FAT3: variants seen among roughly 807,000 people sequenced by gnomAD.
The protein encoded by FAT3 is FAT atypical cadherin 3.
In FAT3, 95 loss-of-function variants were observed where a neutral mutation model predicts 310.2. The observed-to-expected ratio is 0.31, with a 90% confidence interval of 0.26 to 0.36. FAT3 has a LOEUF of 0.36. Among genes scored for constraint, FAT3 ranks in the 10% least tolerant of loss-of-function variants. The pLI is 1.00. For missense variants in FAT3, 5,408 were observed against 5,715.6 expected (o/e 0.95, Z 1.74); for synonymous variants, 2,314 against 2,192.9 (o/e 1.06, Z -1.54).
intron 6 of FAT3, among the ~76,000 whole-genome samples, chr11:92,767,063 A>G (rs1379520423): frequency 6.6e-6 from 1 of 152,140 alleles, no homozygotes; most frequent in African/African-American, 2.4e-5. Flanking sequence ...AACGTGTCCA[A>G]CATGGCGAAA....
At chr11:92,513,339 G>T (rs1049735656) in intron 2 of FAT3, among the ~76,000 whole-genome samples, 6 of 152,130 alleles carry the variant, frequency 3.9e-5, no homozygotes, top group African/African-American at 1.4e-4. Flanking sequence ...AATGATTTCT[G>T]TGAAGGCATT....
intron 14 of FAT3, 132 bp from the exon 15 acceptor site, chr11:92,834,738 C>G (rs1948354848): frequency 1.3e-6 from 1 of 765,392 alleles, no homozygotes; most frequent in Admixed American, 2.8e-5. Flanking sequence ...TTCAGTAAGG[C>G]ATTAAATAAA....
intron 3 of FAT3, among the ~76,000 whole-genome samples, chr11:92,652,750 C>T (rs968738616): frequency 6.6e-6 from 1 of 152,166 alleles, no homozygotes; most frequent in African/African-American, 2.4e-5. Context: ...TAATAATTTC[C>T]CCTTTAAATA....
chr11:92,889,375 G>A, intron 26 of FAT3, 127 bp downstream of exon 26: 1 of 449,622 alleles, frequency 2.2e-6, no homozygotes, highest in Non-Finnish European at 3.9e-6. Flanking sequence ...TGAGATGTGG[G>A]ATATTTATGG....
chr11:92,421,060 C>T (rs1950524259), intron 2 of FAT3, among the ~76,000 whole-genome samples: 1 of 152,186 alleles, frequency 6.6e-6, no homozygotes, highest in African/African-American at 2.4e-5. Context: ...TGATATTACA[C>T]TATTCAATAG....
intron 3 of FAT3, among the ~76,000 whole-genome samples, chr11:92,598,228 ATAT>A (rs1168159395): frequency 1.5e-5 from 2 of 129,128 alleles, no homozygotes; most frequent in East Asian, 2.2e-4. Context: ...ATATATATAT[ATAT>A]TTTTTTTTTT....
chr11:92,854,582 G>T (rs1948921612), intron 19 of FAT3, among the ~76,000 whole-genome samples: 1 of 152,188 alleles, frequency 6.6e-6, no homozygotes, highest in Non-Finnish European at 1.5e-5. Flanking sequence ...GTGAATAAAA[G>T]GTAGAAGTAC....
intron 1 of FAT3, among the ~76,000 whole-genome samples, chr11:92,275,026 C>G (rs192741934): frequency 1.1e-4 from 17 of 152,238 alleles, no homozygotes; most frequent in Admixed American, 5.9e-4. Flanking sequence ...CTATGTTTGT[C>G]AGGTATTTAG....
rs577865115 is a variant in FAT3, at chr11:92,664,004, T to A, written c.3608-33380T>A. The stretch of plus-strand genomic sequence containing the variant: ...TTCTCTACCTTTTCTGTCTTCAATC[T>A]TGACACGACCCACCCTCCCCCAAAC... On this transcript the variant is annotated intron_variant, in intron 3 of 27. Coordinates refer to ENST00000525166, the MANE Select transcript of FAT3 (RefSeq NM_001367949.2). 2.6e-5 allele frequency among the ~76,000 whole-genome samples: 4 copies of A among 152,302 alleles called. No homozygotes were observed. In the South Asian group the frequency reaches 6.2e-4, roughly 24 times the overall value.
At chr11:92,485,398 C>G (rs949481179) in intron 2 of FAT3, among the ~76,000 whole-genome samples, 2 of 152,136 alleles carry the variant, frequency 1.3e-5, no homozygotes, top group Non-Finnish European at 2.9e-5. Flanking sequence ...TGAACAAAGT[C>G]TGGAAGACAG....
At chr11:92,338,995 A>T (rs993946010) in intron 1 of FAT3, among the ~76,000 whole-genome samples, 1 of 152,170 alleles carries the variant, frequency 6.6e-6, no homozygotes, top group Non-Finnish European at 1.5e-5. Context: ...TGATCCCCAG[A>T]ACCTCTCAAT....
rs763919301 is a variant in FAT3 at position 92,799,210 on chromosome 11, C to G, written c.6197C>G (p.Ala2066Gly). The G allele has an allele frequency of 1.2e-6, 2 of 1,613,876 alleles. No homozygotes were observed. The highest frequency in any genetic ancestry group is 4.5e-5 in the East Asian group (2 of 44,866). The change falls in exon 10 of 28, where the codon GCC (alanine) becomes GGC (glycine). Residue 2066 changes from alanine (A) to glycine (G), a missense_variant. This residue lies in a region of FAT3 where 4,588 missense variants were observed against 4,809.8 expected (regional missense o/e 0.95). Transcript: ENST00000525166. ...ASRELDHLRV[A>G]RVVVRVNIED... ...CGTGAGCTGGACCATCTGCGTGTGG[C>G]CAGAGTGGTGGTCAGGGTTAACATT...
At chr11:92,233,299 A>G (rs571362037) in intron 1 of FAT3, among the ~76,000 whole-genome samples, 1 of 152,320 alleles carries the variant, frequency 6.6e-6, no homozygotes, top group Admixed American at 6.5e-5. Flanking sequence ...ATGTTCTCTA[A>G]GTCAGAGCTA....
chr11:92,565,420 A>G (rs1477128557), intron 3 of FAT3, among the ~76,000 whole-genome samples: 1 of 130,602 alleles, frequency 7.7e-6, no homozygotes, highest in Admixed American at 8.3e-5. Flanking sequence ...AAAAGAGTCC[A>G]GGACCAGATG....
chr11:92,695,312 G>A (rs1295413458), intron 3 of FAT3, among the ~76,000 whole-genome samples: 1 of 152,134 alleles, frequency 6.6e-6, no homozygotes, highest in Non-Finnish European at 1.5e-5. Flanking sequence ...GAGGGATGGA[G>A]CAGGGAGACA....
intron 3 of FAT3, among the ~76,000 whole-genome samples, chr11:92,573,477 G>A (rs1393119477): frequency 1.3e-5 from 2 of 152,130 alleles, no homozygotes; most frequent in African/African-American, 2.4e-5. Context: ...ATATGTCCAA[G>A]CTTCAACTCC....
At chr11:92,560,388 CT>C (rs1591450081) in intron 3 of FAT3, among the ~76,000 whole-genome samples, 2 of 151,662 alleles carry the variant, frequency 1.3e-5, no homozygotes, top group East Asian at 3.9e-4. Context: ...TTGTCTTTTA[CT>C]TTCTTGATAG....
At chr11:92,820,049 G>A (rs886161776) in intron 13 of FAT3, among the ~76,000 whole-genome samples, 13 of 152,198 alleles carry the variant, frequency 8.5e-5, no homozygotes, top group Non-Finnish European at 1.3e-4. Context: ...CAGAAGTGAT[G>A]ATATCACTTC....
chr11:92,309,384 G>GCA lies in FAT3; in HGVS notation c.-17-42678_-17-42677dup, dbSNP rs59596533. Among the ~76,000 whole-genome samples, 590 of 145,092 alleles carry GCA rather than the reference G, an allele frequency of 4.1e-3. 1 individual carries two copies. The highest frequency in any genetic ancestry group is 0.01 in the Middle Eastern group (3 of 286). Reference sequence around the variant, plus strand: ...CTCGCACTCTTTTACACACACGCATGCACACACACACACACACACACACAC... The same window carrying GCA: ...CTCGCACTCTTTTACACACACGCATGCACACACACACACACACACACACACAC... On this transcript the variant is annotated intron_variant, in intron 1 of 27. Coordinates refer to ENST00000525166, the MANE Select transcript of FAT3 (RefSeq NM_001367949.2).
Sources: gnomAD v4.1 joint callset for allele counts (sites outside exome capture counted in the v4.1 genomes callset) on GRCh38, gnomAD v4.1.1 for gene constraint, gnomAD v4.1.1 regional missense constraint, MANE v1.5 for transcripts, NCBI Gene and HGNC (gene_info 2026-07-23, HGNC 2026-07-21) for gene names.